The following FHIT variants were observed in gnomAD, a reference collection of about 807,000 sequenced individuals.
The protein encoded by FHIT is bis(5'-adenosyl)-triphosphatase.
FHIT carries 19 observed loss-of-function variants against 17.9 expected under a neutral mutation model. That is an observed-to-expected ratio of 1.06 (90% CI 0.74 to 1.56). The LOEUF (loss-of-function observed/expected upper bound fraction) is 1.56. FHIT is among the 40% of genes most tolerant of loss of function. The pLI is 0.00. For synonymous variants in FHIT, 81 were observed against 69.7 expected (o/e 1.16, Z -0.81); for missense variants, 248 against 189.2 (o/e 1.31, Z -1.82).
rs367560338 is a variant in FHIT at position 60,707,987 on chromosome 3, AT to A, written c.-18+113931del. 1.1e-4 allele frequency among the ~76,000 whole-genome samples: 17 copies of A among 152,286 alleles called. No homozygotes were observed. The East Asian group carries it at 3.3e-3, about 29-fold the overall frequency. On this transcript the variant is annotated intron_variant, in intron 4 of 9. Transcript: ENST00000492590. ...CGCTATAGTTTTCAATTATTTCCAC[AT>A]TTGTCAGCATTTTAGTTGATTTCAA...
chr3:60,258,095 CACACA>C (rs1559767584), intron 5 of FHIT, among the ~76,000 whole-genome samples: 1 of 147,944 alleles, frequency 6.8e-6, no homozygotes, highest in Non-Finnish European at 1.5e-5. Flanking sequence ...CACACACACA[CACACA>C]CCTCTGCAGA....
chr3:60,016,346 T>G (rs190839020), intron 5 of FHIT, among the ~76,000 whole-genome samples: 9 of 152,320 alleles, frequency 5.9e-5, no homozygotes, highest in Admixed American at 3.3e-4. Flanking sequence ...TTAGGTTGTA[T>G]AGCTGACAAG....
chr3:60,923,764 A>G (rs551138473), intron 3 of FHIT, among the ~76,000 whole-genome samples: 77 of 152,260 alleles, frequency 5.1e-4, no homozygotes, highest in African/African-American at 1.8e-3. Flanking sequence ...GCAAGGCATC[A>G]TCTCACCCGA....
At chr3:59,862,469 C>T (rs1466471139) in intron 8 of FHIT, among the ~76,000 whole-genome samples, 1 of 152,178 alleles carries the variant, frequency 6.6e-6, no homozygotes, top group East Asian at 1.9e-4. Flanking sequence ...GACCAATGAC[C>T]ATCCAGCAAG....
At chr3:60,537,951 T>C (rs2036045793) in intron 4 of FHIT, among the ~76,000 whole-genome samples, 1 of 95,422 alleles carries the variant, frequency 1.0e-5, no homozygotes, top group Non-Finnish European at 2.1e-5. Context: ...AATTAGAAAA[T>C]AGTTGGCTAT....
chr3:60,087,509 G>T (rs1703546545), intron 5 of FHIT, among the ~76,000 whole-genome samples: 1 of 152,120 alleles, frequency 6.6e-6, no homozygotes, highest in Non-Finnish European at 1.5e-5. Context: ...TACACCTTTA[G>T]ATCTTTCCTT....
intron 3 of FHIT, among the ~76,000 whole-genome samples, chr3:60,857,427 G>C (rs1703434840): frequency 6.6e-6 from 1 of 152,136 alleles, no homozygotes; most frequent in Non-Finnish European, 1.5e-5. Flanking sequence ...GCTGTGTGAG[G>C]TGATATAATC....
chr3:59,846,187 T>C (rs1337263892), intron 8 of FHIT, among the ~76,000 whole-genome samples: 1 of 152,142 alleles, frequency 6.6e-6, no homozygotes, highest in Admixed American at 6.5e-5. Flanking sequence ...TATTCCTGTC[T>C]TCTTTTGTGT....
At chr3:60,356,346 A>T (rs1372676007) in intron 5 of FHIT, among the ~76,000 whole-genome samples, 1 of 152,174 alleles carries the variant, frequency 6.6e-6, no homozygotes, top group East Asian at 1.9e-4. Flanking sequence ...TCCTGAGCAC[A>T]ACAAAACCAA....
chr3:60,647,399 G>C lies in FHIT; in HGVS notation c.-17-110420C>G, dbSNP rs1332533283. ...AATTCTGAAGGGCCTCAGAGATAAG[G>C]AAATCATGTTGCAAATGTGAGAAGT... On this transcript the variant is annotated intron_variant, in intron 4 of 9. Transcript: ENST00000492590. Among the ~76,000 whole-genome samples, 4 of 152,124 alleles carry C rather than the reference G, an allele frequency of 2.6e-5. 1 individual carries two copies. The highest frequency in any genetic ancestry group is 7.2e-5 in the African/African-American group (3 of 41,422).
chr3:59,896,133 G>A (rs1202746036), intron 8 of FHIT, among the ~76,000 whole-genome samples: 3 of 152,154 alleles, frequency 2.0e-5, no homozygotes, highest in Non-Finnish European at 4.4e-5. Context: ...ATTTACGCTT[G>A]TACACTGGCA....
intron 2 of FHIT, among the ~76,000 whole-genome samples, chr3:61,130,103 C>G (rs756443298): frequency 2.0e-5 from 3 of 151,972 alleles, no homozygotes; most frequent in Non-Finnish European, 4.4e-5. Flanking sequence ...CTCAAAAAGA[C>G]CAGAGTCTAG....
intron 5 of FHIT, among the ~76,000 whole-genome samples, chr3:60,219,651 G>T (rs1336518822): frequency 6.6e-6 from 1 of 152,160 alleles, no homozygotes; most frequent in Non-Finnish European, 1.5e-5. Context: ...AATGATGTCA[G>T]TGATACTTCC....
intron 2 of FHIT, among the ~76,000 whole-genome samples, chr3:61,107,413 T>C (rs1323211932): frequency 2.6e-5 from 4 of 152,218 alleles, no homozygotes; most frequent in Admixed American, 1.3e-4. Flanking sequence ...TTAGCTATTA[T>C]GAATAATGCT....
At chr3:60,431,678 A>G (rs1243959745) in intron 5 of FHIT, among the ~76,000 whole-genome samples, 1 of 151,992 alleles carries the variant, frequency 6.6e-6, no homozygotes. Flanking sequence ...CAAAGTCGGG[A>G]GTCTGCATTT....
chr3:60,873,366 T>G (rs1294552700), intron 3 of FHIT, among the ~76,000 whole-genome samples: 4 of 152,160 alleles, frequency 2.6e-5, no homozygotes, highest in African/African-American at 7.2e-5. Flanking sequence ...TTTTCTGTCA[T>G]GTCAGGAAAA....
intron 3 of FHIT, among the ~76,000 whole-genome samples, chr3:60,966,883 A>T (rs1321581477): frequency 6.6e-6 from 1 of 152,154 alleles, no homozygotes; most frequent in Non-Finnish European, 1.5e-5. Flanking sequence ...GCAGTATTTG[A>T]TTTGGTCTAT....
intron 5 of FHIT, among the ~76,000 whole-genome samples, chr3:60,531,409 G>A (rs2035779382): frequency 6.6e-6 from 1 of 151,108 alleles, no homozygotes. Context: ...CTCCCGAGTA[G>A]CTGGGACTAC....
intron 5 of FHIT, among the ~76,000 whole-genome samples, chr3:60,351,785 C>T (rs1397163657): frequency 6.6e-6 from 1 of 152,174 alleles, no homozygotes; most frequent in African/African-American, 2.4e-5. Flanking sequence ...CTTTGTCATT[C>T]TCTGCTCATA....
Sources: gnomAD v4.1 joint callset for allele counts (sites outside exome capture counted in the v4.1 genomes callset) on GRCh38, gnomAD v4.1.1 for gene constraint, MANE v1.5 for transcripts, NCBI Gene and HGNC (gene_info 2026-07-23, HGNC 2026-07-21) for gene names.